FBN1: variants seen among roughly 807,000 people sequenced by gnomAD.
The protein encoded by FBN1 is fibrillin 1.
In FBN1, 29 loss-of-function variants were observed where a neutral mutation model predicts 365.1. The ratio of observed to expected loss-of-function variants is 0.08; its 90% CI spans 0.06 to 0.11. The LOEUF (loss-of-function observed/expected upper bound fraction) is 0.11. FBN1 is among the 10% of genes least tolerant of loss of function. The pLI, the probability that FBN1 is intolerant of heterozygous loss-of-function variation, is 1.00. For missense variants in FBN1, 2,476 were observed against 3,703.2 expected (o/e 0.67, Z 8.60); for synonymous variants, 1,210 against 1,270.5 (o/e 0.95, Z 1.01).
Position 48,437,824 on chromosome 15 carries a change from G to A in FBN1, c.6257C>T (p.Ala2086Val). The A allele has an allele frequency of 6.2e-7, 1 of 1,613,852 alleles. No homozygotes were observed. The highest frequency in any genetic ancestry group is 8.5e-7 in the Non-Finnish European group (1 of 1,179,852). Reference sequence around the variant, plus strand: ...GTCTCCCCAGCCTTCTCCCTTCAAGGCACAGCAGCATTCCTGCTTGGAGTG... The same window carrying A: ...GTCTCCCCAGCCTTCTCCCTTCAAGACACAGCAGCATTCCTGCTTGGAGTG... ...RNHSKQECCC[A>V]LKGEGWGDPC... is the part of the protein sequence containing the mutation. Residue 2086 changes from alanine to valine, a missense_variant, in exon 51 of 66, where the codon GCC becomes GTC. Around this residue, in one of 5 missense-constraint regions of FBN1, gnomAD observed 1,780 missense variants for 2,840.8 expected, o/e 0.63. Coordinates refer to ENST00000316623, the MANE Select transcript of FBN1 (RefSeq NM_000138.5).
intron 17 of FBN1, among the ~76,000 whole-genome samples, chr15:48,499,881 T>G (rs1481875038): frequency 6.6e-6 from 1 of 152,156 alleles, no homozygotes; most frequent in African/African-American, 2.4e-5. Context: ...CATCTGTGCT[T>G]AAGTGGAAGG....
intron 6 of FBN1, among the ~76,000 whole-genome samples, chr15:48,552,556 G>A (rs1432040643): frequency 2.0e-5 from 3 of 152,122 alleles, no homozygotes; most frequent in Non-Finnish European, 2.9e-5. Context: ...ACAGGCGTGA[G>A]CCACTGGCTG....
chr15:48,555,524 C>T (rs2044172680), intron 6 of FBN1, among the ~76,000 whole-genome samples: 1 of 152,132 alleles, frequency 6.6e-6, no homozygotes, highest in Non-Finnish European at 1.5e-5. Flanking sequence ...ACATCTTCAT[C>T]TTCTGAGCTC....
intron 18 of FBN1, among the ~76,000 whole-genome samples, chr15:48,498,104 G>A (rs1432005935): frequency 6.6e-6 from 1 of 152,122 alleles, no homozygotes; most frequent in African/African-American, 2.4e-5. Flanking sequence ...AGTCAAGGCA[G>A]GTGCAGAATG....
intron 6 of FBN1, among the ~76,000 whole-genome samples, chr15:48,551,349 C>A: frequency 6.6e-6 from 1 of 152,082 alleles, no homozygotes; most frequent in East Asian, 1.9e-4. Flanking sequence ...CAAGACACAC[C>A]TTTTAATCCA....
chr15:48,602,353 A>G (rs1297931208), intron 4 of FBN1, among the ~76,000 whole-genome samples: 1 of 152,202 alleles, frequency 6.6e-6, no homozygotes, highest in African/African-American at 2.4e-5. Context: ...ATTTGTTTAA[A>G]AACTTCTTCA....
At chr15:48,438,644 G>A (rs2043090862) in intron 50 of FBN1, among the ~76,000 whole-genome samples, 1 of 148,478 alleles carries the variant, frequency 6.7e-6, no homozygotes, top group African/African-American at 2.4e-5. Context: ...GAAGAGGAGG[G>A]CAGGGCTGTG....
intron 2 of FBN1, chr15:48,641,365 C>T (rs917513650): frequency 6.6e-6 from 1 of 151,530 alleles, no homozygotes; most frequent in East Asian, 1.9e-4. Flanking sequence ...GACTGCACAT[C>T]CAGTGAGCAG....
intron 16 of FBN1, 23 bp downstream of exon 16, chr15:48,505,002 G>T: frequency 6.2e-7 from 1 of 1,614,008 alleles, no homozygotes; most frequent in Non-Finnish European, 8.5e-7. Flanking sequence ...TCTCTCATAA[G>T]GTTAGCCATG....
intron 6 of FBN1, among the ~76,000 whole-genome samples, chr15:48,568,804 A>T (rs2044281305): frequency 6.6e-6 from 1 of 152,068 alleles, no homozygotes; most frequent in South Asian, 2.1e-4. Context: ...CATGCAAAAC[A>T]GTTGACCCTC....
chr15:48,567,273 T>G (rs1436412051), intron 6 of FBN1, among the ~76,000 whole-genome samples: 1 of 152,216 alleles, frequency 6.6e-6, no homozygotes, highest in Non-Finnish European at 1.5e-5. Flanking sequence ...GGGGCTTTTA[T>G]TTGTATATTT....
chr15:48,434,525 A>G (rs2043049064), intron 54 of FBN1, 69 bp downstream of exon 54: 2 of 1,588,864 alleles, frequency 1.3e-6, no homozygotes, highest in South Asian at 2.2e-5. Context: ...TAATATTAAG[A>G]CTTGTAATCA....
At chr15:48,439,873 T>C (rs1167963294) in intron 50 of FBN1, among the ~76,000 whole-genome samples, 1 of 152,160 alleles carries the variant, frequency 6.6e-6, no homozygotes, top group Non-Finnish European at 1.5e-5. Context: ...ACACCTGTGG[T>C]CTTTTGTGCC....
chr15:48,613,655 C>A (rs552758872), intron 2 of FBN1, among the ~76,000 whole-genome samples: 2 of 152,130 alleles, frequency 1.3e-5, no homozygotes, highest in African/African-American at 4.8e-5. Flanking sequence ...AGGCCAGGCG[C>A]GGTGGCTCAC....
intron 64 of FBN1, 31 bp from the exon 65 acceptor site, chr15:48,412,774 C>A: frequency 1.2e-6 from 2 of 1,613,400 alleles, no homozygotes; most frequent in South Asian, 1.1e-5. Flanking sequence ...AGATGTTTTT[C>A]ATTAGAATGG....
intron 6 of FBN1, among the ~76,000 whole-genome samples, chr15:48,581,994 T>C (rs1050356252): frequency 1.3e-5 from 2 of 152,214 alleles, no homozygotes; most frequent in Admixed American, 6.5e-5. Flanking sequence ...TATATGTTCA[T>C]AAGTGCTGCA....
intron 6 of FBN1, among the ~76,000 whole-genome samples, chr15:48,579,583 T>C (rs2044375891): frequency 6.6e-6 from 1 of 152,204 alleles, no homozygotes; most frequent in Admixed American, 6.5e-5. Flanking sequence ...TGAAGAATAA[T>C]GAGGAGAACA....
chr15:48,461,317 T>A (rs1440134436), intron 42 of FBN1, among the ~76,000 whole-genome samples: 1 of 152,164 alleles, frequency 6.6e-6, no homozygotes, highest in Non-Finnish European at 1.5e-5. Context: ...TATGTAGATA[T>A]TCAAAACTCA....
chr15:48,519,410 C>A (rs2043832363), intron 10 of FBN1, among the ~76,000 whole-genome samples: 1 of 152,144 alleles, frequency 6.6e-6, no homozygotes. Flanking sequence ...GTGTAAAAAG[C>A]ATGAGAAATA....
Sources: gnomAD v4.1 joint callset for allele counts (sites outside exome capture counted in the v4.1 genomes callset) on GRCh38, gnomAD v4.1.1 for gene constraint, gnomAD v4.1.1 regional missense constraint, MANE v1.5 for transcripts, NCBI Gene and HGNC (gene_info 2026-07-23, HGNC 2026-07-21) for gene names.